ADAMTS1: variants seen among roughly 807,000 people sequenced by gnomAD.
ADAMTS1 encodes ADAM metallopeptidase with thrombospondin type 1 motif 1.
A neutral mutation model predicts 87.9 loss-of-function variants in ADAMTS1; 19 were observed. That is an observed-to-expected ratio of 0.22 (90% CI 0.15 to 0.32). ADAMTS1 has a LOEUF of 0.32. Ranked by LOEUF, ADAMTS1 falls within the 10% of genes least tolerant of loss-of-function variation. ADAMTS1 has a pLI of 1.00. For synonymous variants in ADAMTS1, 542 were observed against 501.8 expected (o/e 1.08, Z -1.07); for missense variants, 1,240 against 1,259.1 (o/e 0.98, Z 0.23).
chr21:26,842,267 T>C (rs924626914), intron 2 of ADAMTS1, 72 bp downstream of exon 2: 4 of 1,422,196 alleles, frequency 2.8e-6, no homozygotes, highest in East Asian at 2.3e-5. Context: ...TGAAATGCCT[T>C]GTATATATCT....
chr21:26,844,417 G>A lies in ADAMTS1; in HGVS notation c.538C>T (p.Pro180Ser). The stretch of plus-strand genomic sequence containing the variant: ...CGCCGCAGGAGGTGGAACTGTAGTG[G>A]TGCCGGCGGCTTCTCCCCTGGGGCG... ...TAAPGEKPPAPLQFHLLRRNR... is the reference protein window; with the variant it reads ...TAAPGEKPPASLQFHLLRRNR... Residue 180 changes from proline to serine, a missense_variant, in exon 1 of 9, where the codon CCA becomes TCA. By Grantham distance (74) the Pro-to-Ser change is moderately conservative. Around this residue, in one of 3 missense-constraint regions of ADAMTS1, gnomAD observed 521 missense variants for 449.7 expected, o/e 1.16. Transcript: ENST00000284984. The A allele has an allele frequency of 6.3e-7, 1 of 1,589,806 alleles. No individual in the cohort carries two copies. Among genetic ancestry groups the A allele is most frequent in the Non-Finnish European group, 8.6e-7 (1 of 1,168,792 alleles).
chr21:26,839,907 G>A lies in ADAMTS1; in HGVS notation c.1820C>T (p.Ser607Phe), dbSNP rs1213527598. 2.5e-6 allele frequency: 4 copies of A among 1,614,016 alleles called. No individual in the cohort carries two copies. Among genetic ancestry groups the A allele is most frequent in the Non-Finnish European group, 3.4e-6 (4 of 1,180,018 alleles). Residue 607 changes from serine (S) to phenylalanine (F), a missense_variant, in exon 6 of 9, where the codon TCC becomes TTC. Ser to Phe is a radical substitution (Grantham distance 155). Transcript: ENST00000284984. ...YCEGKRVRYR[S>F]CNLEDCPDNN... ...GTCTGGACAGTCCTCAAGGTTACAGGATCTGTAGCGCACTCGTTTGCCTTC... is the reference window on the plus strand; with the variant it reads ...GTCTGGACAGTCCTCAAGGTTACAGAATCTGTAGCGCACTCGTTTGCCTTC...
At position 26,839,782 on chromosome 21, in the gene ADAMTS1, A is replaced by G; in HGVS notation, c.1853-20T>C. 2 of 1,604,016 alleles carry G rather than the reference A, an allele frequency of 1.2e-6. No homozygotes were observed. The highest frequency in any genetic ancestry group is 1.1e-5 in the South Asian group (1 of 90,492). On this transcript the variant is annotated intron_variant, in intron 6 of 8. Transcript: ENST00000284984. ...TTTTTCCTGGAAAGAGAATAATATG[A>G]TAACATTATCAGTTTCCAATCTTGA... is the stretch of plus-strand genomic sequence containing the variant.
chr21:26,842,345 G>A lies in ADAMTS1; in HGVS notation c.1071C>T (p.Thr357=), dbSNP rs1985511152. 1 of 1,613,614 alleles carries A rather than the reference G, an allele frequency of 6.2e-7. No individual in the cohort carries two copies. The highest frequency in any genetic ancestry group is 1.7e-5 in the Admixed American group (1 of 59,986). ...AEHYDTAILF[T]RQDLCGSQTC... is the part of the protein sequence containing the mutation. The stretch of plus-strand genomic sequence containing the variant: ...GGTACCATCTTCCTCTTACCTGTCT[G>A]GTGAAAAGAATTGCTGTGTCATAGT... The change falls in exon 2 of 9, where the codon ACC becomes ACT. Residue 357 remains threonine (T), a synonymous_variant. Transcript: ENST00000284984.
chr21:26,837,715 G>A lies in ADAMTS1; in HGVS notation c.2768C>T (p.Thr923Ile). Reference sequence around the variant, plus strand: ...TCTTTTTTTGTAACCCTTCCCACAGGTCTTAGAACATGATGACCACTCCCC... The same window carrying A: ...TCTTTTTTTGTAACCCTTCCCACAGATCTTAGAACATGATGACCACTCCCC... ...QLGEWSSCSKTCGKGYKKRSL... is the reference protein window; with the variant it reads ...QLGEWSSCSKICGKGYKKRSL... Residue 923 changes from threonine to isoleucine, a missense_variant, in exon 9 of 9, where the codon ACC (threonine) becomes ATC (isoleucine). Coordinates refer to ENST00000284984, the MANE Select transcript of ADAMTS1 (RefSeq NM_006988.5). The A allele has an allele frequency of 6.2e-7, 1 of 1,614,130 alleles. No individual in the cohort carries two copies. Among genetic ancestry groups the A allele is most frequent in the Non-Finnish European group, 8.5e-7 (1 of 1,180,030 alleles).
Position 26,837,336 on chromosome 21 carries a change from C to T in ADAMTS1, c.*243G>A. 1 of 439,044 alleles carries T rather than the reference C, an allele frequency of 2.3e-6. No homozygotes were observed. Among genetic ancestry groups the T allele is most frequent in the Non-Finnish European group, 4.0e-6 (1 of 248,082 alleles). The allele number at this position is 439,044 out of a possible 1,614,324, so 27.2% of individuals were successfully genotyped here. ...GAAATAATAATAATAATGCCCGGGG[C>T]TTTATTATGCTATATCACTGCTCAG... On this transcript the variant is annotated 3_prime_UTR_variant, in exon 9 of 9. Coordinates refer to ENST00000284984, the MANE Select transcript of ADAMTS1 (RefSeq NM_006988.5).
In ADAMTS1 at chr21:26,844,441, C is replaced by T; in HGVS notation, c.514G>A (p.Ala172Thr). 2 of 1,587,404 alleles carry T rather than the reference C, an allele frequency of 1.3e-6. No homozygotes were observed. Among genetic ancestry groups the T allele is most frequent in the Non-Finnish European group, 1.7e-6 (2 of 1,167,026 alleles). Residue 172 changes from alanine (A) to threonine (T), a missense_variant, in exon 1 of 9, where the codon GCC becomes ACC. Physicochemically the swap from Ala to Thr is moderately conservative, Grantham distance 58. This residue lies in a region of ADAMTS1 where 521 missense variants were observed against 449.7 expected (regional missense o/e 1.16). Coordinates refer to ENST00000284984, the MANE Select transcript of ADAMTS1 (RefSeq NM_006988.5). ...PAASERLATA[A>T]PGEKPPAPLQ... is the part of the protein sequence containing the mutation. ...GGTGCCGGCGGCTTCTCCCCTGGGG[C>T]GGCGGTGGCGAGGCGCTCGCTGGCG...
chr21:26,838,787 T>C, intron 7 of ADAMTS1, 173 bp from the exon 8 acceptor site: 1 of 598,824 alleles, frequency 1.7e-6, no homozygotes, highest in Non-Finnish European at 2.8e-6. Flanking sequence ...TTTTCAGTAC[T>C]ACGTATAGAC....
intron 6 of ADAMTS1, 54 bp downstream of exon 6, chr21:26,839,821 G>T (rs1836282438): frequency 2.5e-6 from 4 of 1,605,092 alleles, no homozygotes; most frequent in Middle Eastern, 1.7e-4. Flanking sequence ...ACCTGTTTGT[G>T]GGTACATCTT....
Position 26,844,704 on chromosome 21 carries a change from T to C in ADAMTS1, c.251A>G (p.Gln84Arg). The stretch of plus-strand genomic sequence containing the variant: ...GTCGGGCCGCAGCTCCAGATCCAGC[T>C]GCTGGTCAAAGGCGTGCAGGCGGAG... ...TRLRLHAFDQ[Q>R]LDLELRPDSS... Residue 84 changes from glutamine (Q) to arginine (R), a missense_variant, in exon 1 of 9, where the codon CAG becomes CGG. Coordinates refer to ENST00000284984, the MANE Select transcript of ADAMTS1 (RefSeq NM_006988.5). 1.3e-6 allele frequency: 2 copies of C among 1,592,444 alleles called. No individual in the cohort carries two copies. The highest frequency in any genetic ancestry group is 1.7e-6 in the Non-Finnish European group (2 of 1,169,932).
In ADAMTS1 at chr21:26,836,376, G is replaced by GT. The variant is rs1264313594; in HGVS notation, c.*1202dup. 2 of 152,172 alleles carry GT rather than the reference G, an allele frequency of 1.3e-5. No individual in the cohort carries two copies. Among genetic ancestry groups the GT allele is most frequent in the Middle Eastern group, 3.2e-3 (1 of 316 alleles). 9.4% of individuals were successfully genotyped at this position (152,172 alleles called of 1,614,324 possible). On this transcript the variant is annotated 3_prime_UTR_variant, in exon 9 of 9. Coordinates refer to ENST00000284984, the MANE Select transcript of ADAMTS1 (RefSeq NM_006988.5). ...TCCACAAAAGCGATATAATTTAAAA[G>GT]TTTTTTTCATTAGAAATAAATGTAT...
chr21:26,838,393 G>C (rs1400722604), intron 8 of ADAMTS1, 46 bp downstream of exon 8: 19 of 1,605,520 alleles, frequency 1.2e-5, no homozygotes, highest in Non-Finnish European at 1.5e-5. Flanking sequence ...CTGTTGAAAG[G>C]CCCATTTAAA....
At position 26,842,134 on chromosome 21, in the gene ADAMTS1, A is replaced by G; in HGVS notation, c.1078-144T>C. The G allele has an allele frequency of 2.7e-6, 3 of 1,116,190 alleles. No homozygotes were observed. The South Asian group carries it at 5.1e-5, about 19-fold the overall frequency. The allele number at this position is 1,116,190 out of a possible 1,614,324, so 69.1% of individuals were successfully genotyped here. A position where few individuals can be genotyped will look rare whatever the true frequency, so the allele number is the denominator to read the frequency against. ...CATAAGAAGACTTCATGTGACTTTA[A>G]TCAAGCTTTTTTCTAATGCTTTTAA... On this transcript the variant is annotated intron_variant, in intron 2 of 8. Transcript: ENST00000284984.
intron 1 of ADAMTS1, 42 bp from the exon 2 acceptor site, chr21:26,842,727 A>T (rs1270638183): frequency 6.5e-7 from 1 of 1,542,036 alleles, no homozygotes; most frequent in East Asian, 2.2e-5. Flanking sequence ...CAGGCTGTCC[A>T]AGAATAGTTA....
intron 7 of ADAMTS1, 110 bp downstream of exon 7, chr21:26,839,477 A>G: frequency 9.8e-7 from 1 of 1,018,676 alleles, no homozygotes. Context: ...CAAATTTGAA[A>G]TTGAAGATAT....
At chr21:26,840,209 G>A (rs925900650) in intron 5 of ADAMTS1, 67 bp downstream of exon 5, 2 of 1,570,816 alleles carry the variant, frequency 1.3e-6, no homozygotes, top group Admixed American at 1.7e-5. Context: ...TGTTTAACTT[G>A]GTATCATATC....
Position 26,840,028 on chromosome 21 carries a change from G to A in ADAMTS1, c.1699C>T (p.Pro567Ser). 5 of 1,613,644 alleles carry A rather than the reference G, an allele frequency of 3.1e-6. No homozygotes were observed. The highest frequency in any genetic ancestry group is 3.4e-6 in the Non-Finnish European group (4 of 1,179,942). ...PFHGSWGMWG[P>S]WGDCSRTCGG... ...CACGTTCTCGAACAGTCTCCCCAAG[G>A]CCCCCACATTCCCCAGCTTCCATGA... Residue 567 changes from proline to serine, a missense_variant, in exon 6 of 9, where the codon CCT becomes TCT. Transcript: ENST00000284984.
In ADAMTS1 at chr21:26,837,663, T is replaced by C. The variant is rs759960039; in HGVS notation, c.2820A>G (p.Gly940=). The change falls in exon 9 of 9, where the codon GGA becomes GGG. Residue 940 remains glycine (G), a synonymous_variant. Transcript: ENST00000284984. Reference sequence around the variant, plus strand: ...CACAGCTCTCATGAGATAACACCCCTCCATCATGGGACAGACACTTCAAGC... The same window carrying C: ...CACAGCTCTCATGAGATAACACCCCCCCATCATGGGACAGACACTTCAAGC... ...KRSLKCLSHD[G]GVLSHESCDP... The C allele has an allele frequency of 4.3e-6, 7 of 1,614,202 alleles. No individual in the cohort carries two copies. Among genetic ancestry groups the C allele is most frequent in the Non-Finnish European group, 5.9e-6 (7 of 1,180,046 alleles).
rs764593135 is a variant in ADAMTS1, at chr21:26,840,461, C to T, written c.1480G>A (p.Glu494Lys). Reference sequence around the variant, plus strand: ...GCATCGGGGCAGTGTTTGGAGTCCTCCCCAAATGTAAACTGGCACTGCCGG... The same window carrying T: ...GCATCGGGGCAGTGTTTGGAGTCCTTCCCAAATGTAAACTGGCACTGCCGG... ...ANRQCQFTFG[E>K]DSKHCPDAAS... Residue 494 changes from glutamate to lysine, a missense_variant, in exon 5 of 9, where the codon GAG becomes AAG. Around this residue, in one of 3 missense-constraint regions of ADAMTS1, gnomAD observed 317 missense variants for 410.3 expected, o/e 0.77. Coordinates refer to ENST00000284984, the MANE Select transcript of ADAMTS1 (RefSeq NM_006988.5). 5 of 1,614,070 alleles carry T rather than the reference C, an allele frequency of 3.1e-6. No individual in the cohort carries two copies. The South Asian group carries it at 5.5e-5, about 18-fold the overall frequency.
Sources: allele counts gnomAD v4.1 joint callset, GRCh38; gene constraint gnomAD v4.1.1; regional missense constraint gnomAD v4.1.1; transcripts MANE v1.5; gene names NCBI Gene and HGNC (gene_info 2026-07-23, HGNC 2026-07-21).